The following CNTN4 variants were observed in gnomAD, a reference collection of about 807,000 sequenced individuals.
CNTN4 encodes the protein contactin 4, also known as contactin-4.
CNTN4 carries 77 observed loss-of-function variants against 122.5 expected under a neutral mutation model. The observed-to-expected ratio is 0.63, with a 90% CI of 0.52 to 0.76. The LOEUF (loss-of-function observed/expected upper bound fraction) is 0.76. Among genes scored for constraint, CNTN4 ranks in the 30% least tolerant of loss-of-function variants. The pLI, the probability that CNTN4 is intolerant of heterozygous loss-of-function variation, is 0.00. For missense variants in CNTN4, 1,256 were observed against 1,259.1 expected, an observed-to-expected ratio of 1.00 and a Z score of 0.04; for synonymous variants, 512 against 447.0, an observed-to-expected ratio of 1.15 and a Z score of -1.83.
chr3:3,026,565 C>G (rs1698738969), intron 15 of CNTN4, among the ~76,000 whole-genome samples: 1 of 152,120 alleles, frequency 6.6e-6, no homozygotes, highest in African/African-American at 2.4e-5. Context: ...GGCCTCATAG[C>G]TACTGAATTG....
intron 2 of CNTN4, among the ~76,000 whole-genome samples, chr3:2,276,505 T>C (rs1237191429): frequency 6.6e-6 from 1 of 152,022 alleles, no homozygotes; most frequent in Non-Finnish European, 1.5e-5. Flanking sequence ...TTTAAAAAAT[T>C]TGTCATGCTG....
At chr3:2,487,458 A>G (rs1198590759) in intron 3 of CNTN4, among the ~76,000 whole-genome samples, 1 of 151,950 alleles carries the variant, frequency 6.6e-6, no homozygotes. Flanking sequence ...CCTTCCATCC[A>G]CCCCACAACA....
chr3:2,393,182 C>T (rs1423513287), intron 3 of CNTN4, among the ~76,000 whole-genome samples: 1 of 152,134 alleles, frequency 6.6e-6, no homozygotes, highest in African/African-American at 2.4e-5. Context: ...GGTGTTCTGC[C>T]TGAGTGAGTA....
chr3:2,218,741 G>A (rs1031973441), intron 2 of CNTN4, among the ~76,000 whole-genome samples: 3 of 152,122 alleles, frequency 2.0e-5, no homozygotes, highest in Admixed American at 1.3e-4. Context: ...CAGCAAAGAA[G>A]GATTGATTCC....
intron 7 of CNTN4, among the ~76,000 whole-genome samples, chr3:2,858,480 C>T (rs1318587424): frequency 6.6e-6 from 1 of 152,072 alleles, no homozygotes; most frequent in Non-Finnish European, 1.5e-5. Context: ...AATCCCAGTA[C>T]TTTGGGAGGC....
At position 2,802,984 on chromosome 3, in the gene CNTN4, A is replaced by G. The variant is rs528526398; in HGVS notation, c.359-16502A>G. On this transcript the variant is annotated intron_variant, in intron 6 of 24. Transcript: ENST00000418658. ...TGATGCATTCATAGGACTGTCGTTT[A>G]TCAAAGAATACCAGAGAGTGAAAAA... Among the ~76,000 whole-genome samples the G allele has an allele frequency of 4.6e-5, 7 of 152,380 alleles. No individual in the cohort carries two copies. The South Asian group carries it at 1.4e-3, about 32-fold the overall frequency.
At chr3:2,245,168 T>G (rs2040095009) in intron 2 of CNTN4, among the ~76,000 whole-genome samples, 1 of 152,030 alleles carries the variant, frequency 6.6e-6, no homozygotes, top group African/African-American at 2.4e-5. Flanking sequence ...CTCCTATGTA[T>G]TTAATAATCA....
intron 6 of CNTN4, among the ~76,000 whole-genome samples, chr3:2,810,886 T>G (rs1343798903): frequency 6.6e-6 from 1 of 152,164 alleles, no homozygotes; most frequent in Non-Finnish European, 1.5e-5. Context: ...CTCAGGCAGT[T>G]GGAGAGAGAA....
intron 2 of CNTN4, among the ~76,000 whole-genome samples, chr3:2,248,694 G>C (rs1302376417): frequency 6.6e-6 from 1 of 151,988 alleles, no homozygotes; most frequent in African/African-American, 2.4e-5. Context: ...TGGGTGATGA[G>C]CTTGAGCACT....
chr3:2,758,479 T>A (rs146446777), intron 6 of CNTN4, among the ~76,000 whole-genome samples: 1 of 151,504 alleles, frequency 6.6e-6, no homozygotes, highest in East Asian at 1.9e-4. Flanking sequence ...AGAAAAAAAC[T>A]CATTATGAAG....
At chr3:2,846,163 G>T (rs892892086) in intron 7 of CNTN4, among the ~76,000 whole-genome samples, 2 of 152,168 alleles carry the variant, frequency 1.3e-5, no homozygotes, top group Non-Finnish European at 2.9e-5. Flanking sequence ...CAACCCAGTT[G>T]ATATGATTTG....
intron 13 of CNTN4, among the ~76,000 whole-genome samples, chr3:2,986,551 G>C (rs771756542): frequency 3.3e-5 from 5 of 152,152 alleles, no homozygotes; most frequent in Non-Finnish European, 7.3e-5. Context: ...CCATCTGTAA[G>C]AGCCTTCAAA....
intron 2 of CNTN4, among the ~76,000 whole-genome samples, chr3:2,259,340 T>A (rs1350199294): frequency 6.6e-6 from 1 of 152,220 alleles, no homozygotes; most frequent in Non-Finnish European, 1.5e-5. Flanking sequence ...GAAGAGCTTT[T>A]CATAGGAATT....
intron 4 of CNTN4, among the ~76,000 whole-genome samples, chr3:2,678,196 TAA>T (rs2084975256): frequency 6.6e-6 from 1 of 152,190 alleles, no homozygotes; most frequent in Non-Finnish European, 1.5e-5. Flanking sequence ...TATTTTTGGA[TAA>T]GAGGTAATTA....
chr3:3,028,191 T>C (rs76448374), intron 15 of CNTN4, among the ~76,000 whole-genome samples: 2,894 of 152,298 alleles, frequency 0.019, 95 homozygotes, highest in African/African-American at 0.067. Flanking sequence ...ATAAAAGTTA[T>C]TATTTCATTG....
intron 3 of CNTN4, among the ~76,000 whole-genome samples, chr3:2,562,836 A>G (rs1446800426): frequency 6.6e-6 from 1 of 151,308 alleles, no homozygotes; most frequent in Non-Finnish European, 1.5e-5. Context: ...CAATCCTCCC[A>G]CCTCAGCCTC....
At chr3:2,536,469 G>A (rs2077810624) in intron 3 of CNTN4, among the ~76,000 whole-genome samples, 1 of 152,034 alleles carries the variant, frequency 6.6e-6, no homozygotes, top group South Asian at 2.1e-4. Context: ...GCCCTATGCT[G>A]AAAAGATTGA....
At chr3:2,383,757 C>G (rs1302908374) in intron 3 of CNTN4, among the ~76,000 whole-genome samples, 6 of 150,242 alleles carry the variant, frequency 4.0e-5, no homozygotes, top group Admixed American at 6.6e-5. Flanking sequence ...CCTCTCCTCT[C>G]TTCTCCCTCT....
At chr3:2,545,215 G>A (rs1227635535) in intron 3 of CNTN4, among the ~76,000 whole-genome samples, 1 of 151,762 alleles carries the variant, frequency 6.6e-6, no homozygotes, top group Non-Finnish European at 1.5e-5. Context: ...TTCTATTTTT[G>A]TTGTGCTATA....
Sources: gnomAD v4.1 joint callset for allele counts (sites outside exome capture counted in the v4.1 genomes callset) on GRCh38, gnomAD v4.1.1 for gene constraint, MANE v1.5 for transcripts, NCBI Gene and HGNC (gene_info 2026-07-23, HGNC 2026-07-21) for gene names.